Variants in LDB2 observed in about 807,000 individuals in gnomAD.
The protein encoded by LDB2 is LIM domain-binding protein 2.
In LDB2, 12 loss-of-function variants were observed where a neutral mutation model predicts 44.3. The ratio of observed to expected loss-of-function variants is 0.27; its 90% CI spans 0.17 to 0.44. The LOEUF is 0.44. LDB2 is among the 20% of genes least tolerant of loss of function. The pLI is 1.00. For synonymous variants in LDB2, 164 were observed against 174.8 expected (o/e 0.94, Z 0.49); for missense variants, 344 against 473.5 (o/e 0.73, Z 2.54).
chr4:16,584,533 C>T (rs115334319), intron 5 of LDB2, among the ~76,000 whole-genome samples: 16 of 152,318 alleles, frequency 1.1e-4, no homozygotes, highest in African/African-American at 3.6e-4. Context: ...GGTAATGGGG[C>T]ACAGGGTCCA....
At chr4:16,738,153 A>C in intron 2 of LDB2, among the ~76,000 whole-genome samples, 1 of 152,220 alleles carries the variant, frequency 6.6e-6, no homozygotes, top group African/African-American at 2.4e-5. Flanking sequence ...ATCCAACCAA[A>C]GATATCAACA....
At chr4:16,874,766 G>A (rs573912376) in intron 1 of LDB2, among the ~76,000 whole-genome samples, 8 of 152,304 alleles carry the variant, frequency 5.3e-5, no homozygotes, top group East Asian at 1.9e-4. Flanking sequence ...GTGGAAAATC[G>A]TGGACAACCA....
Position 16,854,504 on chromosome 4 carries a change from T to TACACACACACACAC in LDB2, c.132+43836_132+43849dup, listed in dbSNP as rs61445499. ...ATTTTCCTGTGCATTTAAATATAAA[T>TACACACACACACAC]ACACACACACACACACACACACACA... is the stretch of plus-strand genomic sequence containing the variant. On this transcript the variant is annotated intron_variant, in intron 1 of 7. Transcript: ENST00000304523. Among the ~76,000 whole-genome samples, 19 of 145,276 alleles carry TACACACACACACAC rather than the reference T, an allele frequency of 1.3e-4. No individual in the cohort carries two copies. The East Asian group carries it at 2.4e-3, about 19-fold the overall frequency.
At chr4:16,748,135 T>C (rs1169413514) in intron 2 of LDB2, among the ~76,000 whole-genome samples, 3 of 152,196 alleles carry the variant, frequency 2.0e-5, no homozygotes, top group Non-Finnish European at 4.4e-5. Flanking sequence ...ATCACCAGGC[T>C]CCCAGGTGAC....
chr4:16,859,566 G>A (rs1216448606), intron 1 of LDB2, among the ~76,000 whole-genome samples: 1 of 152,158 alleles, frequency 6.6e-6, no homozygotes, highest in Non-Finnish European at 1.5e-5. Context: ...CATTAGGTGT[G>A]CATTACTTTT....
intron 1 of LDB2, among the ~76,000 whole-genome samples, chr4:16,779,792 G>C (rs1419561184): frequency 6.6e-6 from 1 of 152,124 alleles, no homozygotes; most frequent in African/African-American, 2.4e-5. Context: ...GCATCAGCTG[G>C]GTGCCCACTG....
At chr4:16,512,757 G>GT (rs1000674843) in intron 5 of LDB2, among the ~76,000 whole-genome samples, 38 of 152,230 alleles carry the variant, frequency 2.5e-4, no homozygotes, top group Admixed American at 1.2e-3. Flanking sequence ...AATGTGGGAG[G>GT]TTTTTTTGTG....
At chr4:16,709,944 T>C (rs541947666) in intron 2 of LDB2, among the ~76,000 whole-genome samples, 1 of 152,302 alleles carries the variant, frequency 6.6e-6, no homozygotes, top group East Asian at 1.9e-4. Flanking sequence ...CCTTGATCTA[T>C]ACAAGCATAT....
At chr4:16,606,718 C>A (rs1031929371) in intron 2 of LDB2, among the ~76,000 whole-genome samples, 2 of 152,200 alleles carry the variant, frequency 1.3e-5, no homozygotes, top group African/African-American at 4.8e-5. Context: ...GGAAAAATTA[C>A]TCCAGACTAG....
At chr4:16,873,512 A>AG (rs35468662) in intron 1 of LDB2, among the ~76,000 whole-genome samples, 33 of 152,026 alleles carry the variant, frequency 2.2e-4, no homozygotes, top group African/African-American at 7.7e-4. Flanking sequence ...AAAAAAAAAA[A>AG]TGTTCTTTGT....
chr4:16,739,608 ATG>A lies in LDB2; in HGVS notation c.235+19548_235+19549del, dbSNP rs199994605. Among the ~76,000 whole-genome samples, 671 of 85,886 alleles carry A rather than the reference ATG, an allele frequency of 7.8e-3. 56 individuals are homozygous for A. Among genetic ancestry groups the A allele is most frequent in the East Asian group, 0.031 (52 of 1,692 alleles). 56.3% of individuals were successfully genotyped at this position (85,886 alleles called of 152,430 possible). A position where few individuals can be genotyped will look rare whatever the true frequency, so the allele number is the denominator to read the frequency against. ...AAAAAAAATATATATATATATATAT[ATG>A]TATATATACATGTGTGTGTATATAT... On this transcript the variant is annotated intron_variant, in intron 2 of 7. Coordinates refer to ENST00000304523, the MANE Select transcript of LDB2 (RefSeq NM_001290.5).
chr4:16,674,045 G>A (rs1253977046), intron 2 of LDB2, among the ~76,000 whole-genome samples: 3 of 151,852 alleles, frequency 2.0e-5, no homozygotes, highest in East Asian at 1.9e-4. Flanking sequence ...TTTGTATATC[G>A]CCTTAGTGTT....
At chr4:16,746,144 G>T (rs745714126) in intron 2 of LDB2, among the ~76,000 whole-genome samples, 1 of 152,178 alleles carries the variant, frequency 6.6e-6, no homozygotes, top group Non-Finnish European at 1.5e-5. Context: ...GACTACAAAG[G>T]TGAATGACAC....
intron 5 of LDB2, among the ~76,000 whole-genome samples, chr4:16,575,256 A>G (rs1218628374): frequency 6.6e-6 from 1 of 152,218 alleles, no homozygotes; most frequent in East Asian, 1.9e-4. Flanking sequence ...TGCAGAAATT[A>G]TGCATCTGAA....
At chr4:16,644,510 C>G (rs1736134770) in intron 2 of LDB2, among the ~76,000 whole-genome samples, 1 of 151,750 alleles carries the variant, frequency 6.6e-6, no homozygotes, top group East Asian at 1.9e-4. Flanking sequence ...TCACTGCAAC[C>G]TCTGCCTCCT....
chr4:16,641,755 G>C (rs745508025), intron 2 of LDB2, among the ~76,000 whole-genome samples: 11 of 152,108 alleles, frequency 7.2e-5, no homozygotes, highest in Non-Finnish European at 1.3e-4. Flanking sequence ...CTTGAGATTT[G>C]AGGGGGACAC....
At chr4:16,676,437 C>G (rs1746355194) in intron 2 of LDB2, among the ~76,000 whole-genome samples, 1 of 152,212 alleles carries the variant, frequency 6.6e-6, no homozygotes, top group African/African-American at 2.4e-5. Context: ...GCCCCTTCGC[C>G]AAGATCACGG....
intron 1 of LDB2, among the ~76,000 whole-genome samples, chr4:16,867,328 G>C (rs35828220): frequency 0.25 from 38,697 of 152,004 alleles, 5,809 homozygotes; most frequent in East Asian, 0.68. Flanking sequence ...TAAGACTCAG[G>C]TAAAATTTAA....
intron 2 of LDB2, among the ~76,000 whole-genome samples, chr4:16,742,391 G>A (rs1157365943): frequency 6.6e-6 from 1 of 152,014 alleles, no homozygotes; most frequent in Non-Finnish European, 1.5e-5. Flanking sequence ...TATACAACAT[G>A]GTTTTGAGTT....
Sources: allele counts gnomAD v4.1 joint callset (sites outside exome capture counted in the v4.1 genomes callset), GRCh38; gene constraint gnomAD v4.1.1; transcripts MANE v1.5; gene names NCBI Gene and HGNC (gene_info 2026-07-23, HGNC 2026-07-21).